Variants in SYNE3 observed in about 807,000 individuals in gnomAD.
The protein encoded by SYNE3 is spectrin repeat containing nuclear envelope family member 3, also known as nesprin-3.
A neutral mutation model predicts 111.2 loss-of-function variants in SYNE3; 100 were observed. The observed-to-expected ratio is 0.90, with a 90% CI of 0.77 to 1.06. SYNE3 has a LOEUF of 1.06. Ranked by LOEUF, SYNE3 falls within the 50% of genes least tolerant of loss-of-function variation. The probability of loss-of-function intolerance (pLI) is 0.00; values close to 1 mark genes in which losing one functional copy is unlikely to be tolerated. For synonymous variants in SYNE3, 547 were observed against 533.9 expected (o/e 1.02, Z -0.34); for missense variants, 1,160 against 1,240.3 (o/e 0.94, Z 0.97).
intron 15 of SYNE3, among the ~76,000 whole-genome samples, chr14:95,433,857 G>A (rs1197010158): frequency 6.6e-6 from 1 of 152,220 alleles, no homozygotes; most frequent in African/African-American, 2.4e-5. Context: ...GGACTCCTGA[G>A]AGGTGGTGTG....
intron 16 of SYNE3, among the ~76,000 whole-genome samples, chr14:95,432,583 T>C (rs1195456678): frequency 6.6e-6 from 1 of 152,046 alleles, no homozygotes; most frequent in Non-Finnish European, 1.5e-5. Flanking sequence ...TTTAAAGGGC[T>C]GTTATAAGGA....
At chr14:95,436,726 G>T (rs1886105177) in intron 15 of SYNE3, 94 bp downstream of exon 15, 14 of 1,412,538 alleles carry the variant, frequency 9.9e-6, no homozygotes, top group Non-Finnish European at 9.7e-7. Flanking sequence ...CTCACAAACT[G>T]TGGGTGTGTT....
chr14:95,511,667 A>T (rs940365262), intron 1 of SYNE3, among the ~76,000 whole-genome samples: 4 of 152,162 alleles, frequency 2.6e-5, no homozygotes, highest in Admixed American at 2.6e-4. Context: ...GTGAGCTGAG[A>T]TCACACCACT....
chr14:95,474,687 C>T (rs913232764), intron 2 of SYNE3, among the ~76,000 whole-genome samples: 1 of 152,206 alleles, frequency 6.6e-6, no homozygotes, highest in Non-Finnish European at 1.5e-5. Context: ...ATTGTTAATT[C>T]CCACGGTCCA....
At chr14:95,476,003 G>A (rs1315871805) in intron 1 of SYNE3, among the ~76,000 whole-genome samples, 168 bp from the exon 2 acceptor site, 2 of 152,252 alleles carry the variant, frequency 1.3e-5, no homozygotes, top group African/African-American at 4.8e-5. Flanking sequence ...AATGGAATTA[G>A]GCAGGGAATG....
intron 2 of SYNE3, among the ~76,000 whole-genome samples, chr14:95,472,709 T>C (rs1302982360): frequency 3.9e-5 from 6 of 152,180 alleles, no homozygotes; most frequent in African/African-American, 1.4e-4. Context: ...AGCCCGGGCC[T>C]GCAGACCCAG....
At chr14:95,493,776 C>T (rs1283469280) in intron 1 of SYNE3, among the ~76,000 whole-genome samples, 1 of 152,182 alleles carries the variant, frequency 6.6e-6, no homozygotes, top group Non-Finnish European at 1.5e-5. Context: ...TAGCCTTGAG[C>T]GCCAGGGTTC....
At chr14:95,506,458 G>A (rs895900384) in intron 1 of SYNE3, among the ~76,000 whole-genome samples, 13 of 152,216 alleles carry the variant, frequency 8.5e-5, no homozygotes, top group Admixed American at 7.8e-4. Context: ...TGGCTGGGTC[G>A]ACTCTGGCCC....
chr14:95,503,177 C>T (rs1890400299), intron 1 of SYNE3, among the ~76,000 whole-genome samples: 1 of 152,258 alleles, frequency 6.6e-6, no homozygotes, highest in African/African-American at 2.4e-5. Flanking sequence ...GCAGCTCACA[C>T]TGTTTTCTAG....
intron 13 of SYNE3, 122 bp downstream of exon 13, chr14:95,439,490 C>T: frequency 7.6e-7 from 1 of 1,323,238 alleles, no homozygotes; most frequent in Non-Finnish European, 1.1e-6. Context: ...GTGAAGGTGC[C>T]CACGGCCCCT....
chr14:95,440,079 C>A lies in SYNE3; in HGVS notation c.1912-4G>T. 1 of 1,593,890 alleles carries A rather than the reference C, an allele frequency of 6.3e-7. No homozygotes were observed. On this transcript the variant is annotated splice_region_variant and splice_polypyrimidine_tract_variant and intron_variant, in intron 11 of 17. Transcript: ENST00000682763. ...GCCGACACCTGTCCACAAGGTCCTGCAGCACAGCCCGGGGAGCCCAGGGCA... is the reference window on the plus strand; with the variant it reads ...GCCGACACCTGTCCACAAGGTCCTGAAGCACAGCCCGGGGAGCCCAGGGCA...
At chr14:95,421,719 G>T (rs1161971642) in intron 17 of SYNE3, among the ~76,000 whole-genome samples, 3 of 152,224 alleles carry the variant, frequency 2.0e-5, no homozygotes, top group Admixed American at 1.3e-4. Flanking sequence ...TGCCAGGGAT[G>T]CAGGGATTAG....
intron 11 of SYNE3, 89 bp downstream of exon 11, chr14:95,443,066 G>T: frequency 6.6e-7 from 1 of 1,503,816 alleles, no homozygotes; most frequent in Non-Finnish European, 9.1e-7. Flanking sequence ...AAGGAATGAA[G>T]GCAGGAAAGG....
At chr14:95,510,749 T>C (rs1191710783) in intron 1 of SYNE3, among the ~76,000 whole-genome samples, 2 of 151,898 alleles carry the variant, frequency 1.3e-5, no homozygotes, top group African/African-American at 4.8e-5. Flanking sequence ...GATTGCACCA[T>C]TGCACTCCAG....
chr14:95,433,477 G>T, intron 15 of SYNE3, 68 bp from the exon 16 acceptor site: 2 of 1,576,106 alleles, frequency 1.3e-6, no homozygotes, highest in Non-Finnish European at 1.7e-6. Context: ...GAATGGTAAG[G>T]ATGGGTCCAT....
chr14:95,444,351 A>G (rs912001410), intron 10 of SYNE3, 134 bp downstream of exon 10: 2 of 1,187,536 alleles, frequency 1.7e-6, no homozygotes, highest in Non-Finnish European at 1.1e-6. Flanking sequence ...GTGAAAGGTC[A>G]GATCTCAACT....
intron 9 of SYNE3, 39 bp from the exon 10 acceptor site, chr14:95,444,667 C>T (rs1886607427): frequency 6.5e-7 from 1 of 1,529,186 alleles, no homozygotes; most frequent in Non-Finnish European, 8.8e-7. Flanking sequence ...TAAGAGCGTT[C>T]CTCATGAGCA....
At chr14:95,516,410 C>G (rs12887227) in intron 1 of SYNE3, among the ~76,000 whole-genome samples, 186 bp downstream of exon 1, 33,508 of 152,088 alleles carry the variant, frequency 0.22, 3,812 homozygotes, top group Non-Finnish European at 0.23. Context: ...CCCGCCCGCC[C>G]GCAGCTGTCA....
At chr14:95,510,837 G>A (rs1342695383) in intron 1 of SYNE3, among the ~76,000 whole-genome samples, 6 of 152,042 alleles carry the variant, frequency 3.9e-5, no homozygotes, top group South Asian at 2.1e-4. Flanking sequence ...CCCAACTCCC[G>A]ATGCACCACT....
Sources: gnomAD v4.1 joint callset for allele counts (sites outside exome capture counted in the v4.1 genomes callset) on GRCh38, gnomAD v4.1.1 for gene constraint, MANE v1.5 for transcripts, NCBI Gene and HGNC (gene_info 2026-07-23, HGNC 2026-07-21) for gene names.